SS18: variants seen among roughly 807,000 people sequenced by gnomAD.
The protein encoded by SS18 is protein SSXT.
SS18 carries 28 observed loss-of-function variants against 72.5 expected under a neutral mutation model. The ratio of observed to expected loss-of-function variants is 0.39; its 90% CI spans 0.29 to 0.53. The LOEUF is 0.53. Among genes scored for constraint, SS18 ranks in the 20% least tolerant of loss-of-function variants. The pLI, the probability that SS18 is intolerant of heterozygous loss-of-function variation, is 0.76. For synonymous variants in SS18, 172 were observed against 164.2 expected (o/e 1.05, Z -0.37); for missense variants, 518 against 535.3 (o/e 0.97, Z 0.32).
chr18:26,071,844 G>A (rs962741302), intron 3 of SS18, among the ~76,000 whole-genome samples: 2 of 151,590 alleles, frequency 1.3e-5, no homozygotes, highest in Admixed American at 6.6e-5. Flanking sequence ...AAAAAAAAAA[G>A]AATGATGGTG....
chr18:26,083,265 A>ATG (rs1048259879), intron 2 of SS18, among the ~76,000 whole-genome samples: 1 of 152,096 alleles, frequency 6.6e-6, no homozygotes, highest in African/African-American at 2.4e-5. Flanking sequence ...GATCATATAT[A>ATG]TATATCTGAA....
chr18:26,016,680 G>A lies in SS18; in HGVS notation c.*1674C>T, dbSNP rs375284103. 227 of 196,546 alleles carry A rather than the reference G, an allele frequency of 1.2e-3. 1 individual carries two copies. The highest frequency in any genetic ancestry group is 1.8e-3 in the Non-Finnish European group (168 of 94,990). The allele number at this position is 196,546 out of a possible 1,614,324, so 12.2% of individuals were successfully genotyped here. On this transcript the variant is annotated 3_prime_UTR_variant, in exon 11 of 11. Transcript: ENST00000415083. ...GGAGGTTGCAGTGAGCTGAGATTGC[G>A]CCACTGCACTCCAGCCTGGGCGACA... is the stretch of plus-strand genomic sequence containing the variant.
chr18:26,045,146 C>A (rs2053798584), intron 5 of SS18, among the ~76,000 whole-genome samples: 1 of 152,204 alleles, frequency 6.6e-6, no homozygotes, highest in Admixed American at 6.5e-5. Context: ...TAACAGGTCT[C>A]CCTATTTCAC....
intron 4 of SS18, among the ~76,000 whole-genome samples, chr18:26,054,243 G>C (rs1461848166): frequency 6.6e-6 from 1 of 152,102 alleles, no homozygotes; most frequent in Non-Finnish European, 1.5e-5. Flanking sequence ...TCCACTGTTG[G>C]TTAAATCCAT....
At chr18:26,054,109 C>T (rs181319583) in intron 4 of SS18, among the ~76,000 whole-genome samples, 34 of 152,224 alleles carry the variant, frequency 2.2e-4, no homozygotes, top group East Asian at 2.1e-3. Flanking sequence ...ACATGTACTG[C>T]CTAACACAAT....
At chr18:26,037,314 T>C (rs1465845847) in intron 7 of SS18, among the ~76,000 whole-genome samples, 1 of 152,056 alleles carries the variant, frequency 6.6e-6, no homozygotes, top group African/African-American at 2.4e-5. Context: ...AAAACAACAA[T>C]GTCAAATTTA....
chr18:26,087,649 A>T (rs2054639907), intron 1 of SS18, 72 bp from the exon 2 acceptor site: 1 of 873,308 alleles, frequency 1.1e-6, no homozygotes, highest in Non-Finnish European at 1.9e-6. Flanking sequence ...GAAAATTCAG[A>T]AAGGGAGGGC....
chr18:26,058,004 A>G (rs2054054328), intron 3 of SS18, among the ~76,000 whole-genome samples: 1 of 152,190 alleles, frequency 6.6e-6, no homozygotes, highest in African/African-American at 2.4e-5. Context: ...TATATTAAGC[A>G]TTTCTAATGT....
At chr18:26,071,710 C>T (rs1226725370) in intron 3 of SS18, among the ~76,000 whole-genome samples, 2 of 152,100 alleles carry the variant, frequency 1.3e-5, no homozygotes, top group Non-Finnish European at 2.9e-5. Context: ...TGCCTGTGGT[C>T]CTAGCTTCTC....
chr18:26,044,475 C>T (rs559651967), intron 5 of SS18, among the ~76,000 whole-genome samples: 131 of 151,738 alleles, frequency 8.6e-4, no homozygotes, highest in African/African-American at 3.1e-3. Flanking sequence ...AGTTGCACAC[C>T]ACCACGTCCG....
chr18:26,090,190 G>A, intron 1 of SS18: 1 of 419,296 alleles, frequency 2.4e-6, no homozygotes, highest in Non-Finnish European at 4.2e-6. Context: ...TCCCTGAGCG[G>A]CCGCCGCCGG....
rs2305960 is a variant in SS18 at position 26,038,461 on chromosome 18, G to A, written c.880+94C>T. ...AAAATTTAGAGGAAACAAATTGTTA[G>A]TTTCTTCGTCCTCACTGAAATGTTT... On this transcript the variant is annotated intron_variant, in intron 7 of 10. Transcript: ENST00000415083. 8,405 of 1,151,142 alleles carry A rather than the reference G, an allele frequency of 7.3e-3. 564 individuals are homozygous for A. In the Admixed American group the frequency reaches 0.13, roughly 18 times the overall value. 71.3% of individuals were successfully genotyped at this position (1,151,142 alleles called of 1,614,324 possible).
intron 2 of SS18, among the ~76,000 whole-genome samples, chr18:26,086,745 CTATT>C (rs984040799): frequency 2.6e-5 from 4 of 152,208 alleles, no homozygotes; most frequent in Admixed American, 2.0e-4. Flanking sequence ...AATCAGTTCT[CTATT>C]TATTAGATAT....
At chr18:26,059,088 A>G (rs2054074837) in intron 3 of SS18, among the ~76,000 whole-genome samples, 1 of 152,148 alleles carries the variant, frequency 6.6e-6, no homozygotes, top group Non-Finnish European at 1.5e-5. Flanking sequence ...TTTTCTTGTA[A>G]TTCAACTAAT....
chr18:26,056,121 G>T (rs895250537), intron 4 of SS18, among the ~76,000 whole-genome samples: 1 of 152,098 alleles, frequency 6.6e-6, no homozygotes, highest in African/African-American at 2.4e-5. Context: ...GGTCATAAGT[G>T]GTTGATAATA....
intron 3 of SS18, among the ~76,000 whole-genome samples, chr18:26,061,902 CAGT>C (rs202166543): frequency 0.016 from 2,397 of 152,172 alleles, 35 homozygotes; most frequent in Middle Eastern, 0.065. Flanking sequence ...TTTAAAATAA[CAGT>C]AATAATGACT....
intron 5 of SS18, among the ~76,000 whole-genome samples, chr18:26,043,523 C>A (rs893050280): frequency 2.6e-5 from 4 of 152,186 alleles, no homozygotes; most frequent in African/African-American, 9.6e-5. Flanking sequence ...GGAGTTATTT[C>A]TAATAATTTA....
At chr18:26,069,446 T>C (rs940984167) in intron 3 of SS18, among the ~76,000 whole-genome samples, 1 of 148,264 alleles carries the variant, frequency 6.7e-6, no homozygotes, top group African/African-American at 2.5e-5. Context: ...AACTGTACAT[T>C]AGAATTACCT....
In SS18 at chr18:26,036,052, T is replaced by C. The variant is rs771087345; in HGVS notation, c.881-129A>G. ...AATGGAACATAAAAAATAATTTCAA[T>C]TGCATTAGCCAAAGATTTACCAATG... On this transcript the variant is annotated intron_variant, in intron 7 of 10. Coordinates refer to ENST00000415083, the MANE Select transcript of SS18 (RefSeq NM_001007559.3). 6.5e-5 allele frequency: 46 copies of C among 703,596 alleles called. 1 individual carries two copies. Among genetic ancestry groups the C allele is most frequent in the Non-Finnish European group, 1.0e-4 (42 of 417,528 alleles). The allele number at this position is 703,596 out of a possible 1,614,324, so 43.6% of individuals were successfully genotyped here.
Sources: gnomAD v4.1 joint callset for allele counts (sites outside exome capture counted in the v4.1 genomes callset) on GRCh38, gnomAD v4.1.1 for gene constraint, MANE v1.5 for transcripts, NCBI Gene and HGNC (gene_info 2026-07-23, HGNC 2026-07-21) for gene names.